SACM1L: variants seen among roughly 807,000 people sequenced by gnomAD.
SACM1L encodes the protein SAC1 like phosphatidylinositide phosphatase, also known as phosphatidylinositol-3-phosphatase SAC1.
Under a neutral mutation model 89.5 loss-of-function variants are expected in SACM1L, and 32 were observed. The observed-to-expected ratio is 0.36, with a 90% CI of 0.27 to 0.48. The LOEUF is 0.48. Among genes scored for constraint, SACM1L ranks in the 20% least tolerant of loss-of-function variants. SACM1L has a pLI of 0.99. For missense variants in SACM1L, 543 were observed against 708.5 expected, an observed-to-expected ratio of 0.77 and a Z score of 2.65; for synonymous variants, 213 against 232.8, an observed-to-expected ratio of 0.92 and a Z score of 0.77.
At chr3:45,708,996 C>T (rs966752370) in intron 4 of SACM1L, among the ~76,000 whole-genome samples, 25 of 152,166 alleles carry the variant, frequency 1.6e-4, no homozygotes, top group Admixed American at 9.2e-4. Flanking sequence ...TTTTACTTCT[C>T]GTCCATCCCA....
chr3:45,737,514 CT>C, intron 14 of SACM1L, 68 bp from the exon 15 acceptor site: 1 of 1,469,670 alleles, frequency 6.8e-7, no homozygotes, highest in Middle Eastern at 2.1e-4. Context: ...TTGGGGACTG[CT>C]TTTTCTTCCT....
chr3:45,713,811 A>G, intron 6 of SACM1L: 1 of 262,074 alleles, frequency 3.8e-6, no homozygotes, highest in Non-Finnish European at 7.1e-6. Context: ...AAAGGAGGTA[A>G]ACATTCTGTA....
intron 16 of SACM1L, 24 bp downstream of exon 16, chr3:45,737,868 A>C (rs1254910711): frequency 6.3e-7 from 1 of 1,589,948 alleles, no homozygotes; most frequent in Non-Finnish European, 8.6e-7. Context: ...TTAAAATAGC[A>C]TTCCACATCA....
chr3:45,700,271 G>C (rs536108621), intron 1 of SACM1L, among the ~76,000 whole-genome samples: 1 of 152,264 alleles, frequency 6.6e-6, no homozygotes, highest in South Asian at 2.1e-4. Context: ...CACACCCTTT[G>C]TCTGGAGAAA....
At chr3:45,730,380 A>G (rs1390555577) in intron 11 of SACM1L, among the ~76,000 whole-genome samples, 5 of 144,916 alleles carry the variant, frequency 3.5e-5, no homozygotes, top group African/African-American at 1.3e-4. Flanking sequence ...TTTCCAAACT[A>G]TTTTTGCCAA....
intron 2 of SACM1L, 80 bp from the exon 3 acceptor site, chr3:45,705,055 C>A: frequency 1.2e-6 from 1 of 853,772 alleles, no homozygotes; most frequent in Non-Finnish European, 1.9e-6. Context: ...GTCAAAGTAA[C>A]TATTGAAATC....
At chr3:45,737,504 T>C in intron 14 of SACM1L, 79 bp from the exon 15 acceptor site, 2 of 1,376,094 alleles carry the variant, frequency 1.5e-6, no homozygotes, top group Non-Finnish European at 2.0e-6. Context: ...GAGATAAAAT[T>C]TGGGGACTGC....
At chr3:45,702,954 C>T (rs755842594) in intron 1 of SACM1L, among the ~76,000 whole-genome samples, 8 of 152,094 alleles carry the variant, frequency 5.3e-5, no homozygotes, top group Non-Finnish European at 1.2e-4. Context: ...TTAGCTAATA[C>T]CTCTTGCTTA....
At chr3:45,731,432 C>A in intron 12 of SACM1L, 52 bp downstream of exon 12, 1 of 1,186,514 alleles carries the variant, frequency 8.4e-7, no homozygotes, top group Non-Finnish European at 1.2e-6. Context: ...TGTGCACTTA[C>A]ATATATGCAT....
intron 4 of SACM1L, 192 bp downstream of exon 4, chr3:45,707,099 T>G: frequency 6.4e-6 from 3 of 471,570 alleles, no homozygotes; most frequent in African/African-American, 2.0e-5. Flanking sequence ...CTCTTGTTTT[T>G]TTTTTTTTAA....
At chr3:45,717,993 T>A (rs1698701089) in intron 7 of SACM1L, among the ~76,000 whole-genome samples, 1 of 152,240 alleles carries the variant, frequency 6.6e-6, no homozygotes. Context: ...GCCAAAGTAA[T>A]TCTTGAAGCA....
At chr3:45,714,610 G>A (rs1314410148) in intron 7 of SACM1L, among the ~76,000 whole-genome samples, 4 of 152,114 alleles carry the variant, frequency 2.6e-5, no homozygotes, top group African/African-American at 9.7e-5. Flanking sequence ...AGACACTAGT[G>A]TGGGTAACAA....
intron 13 of SACM1L, among the ~76,000 whole-genome samples, chr3:45,732,907 A>G (rs968247529): frequency 1.3e-5 from 2 of 152,258 alleles, no homozygotes; most frequent in African/African-American, 2.4e-5. Flanking sequence ...ACAATAATAT[A>G]GTAAAACCTC....
At chr3:45,690,139 C>G (rs979957534) in intron 1 of SACM1L, 1 of 152,294 alleles carries the variant, frequency 6.6e-6, no homozygotes, top group Non-Finnish European at 1.5e-5. Context: ...TGCAAATTGA[C>G]TTTTCGGTAA....
At chr3:45,740,747 G>A (rs1218097586) in intron 19 of SACM1L, among the ~76,000 whole-genome samples, 1 of 151,958 alleles carries the variant, frequency 6.6e-6, no homozygotes, top group Non-Finnish European at 1.5e-5. Context: ...AGTGAGATAC[G>A]TATTTTCATT....
intron 4 of SACM1L, 177 bp downstream of exon 4, chr3:45,707,084 TGTTGCTCTTG>T (rs1445769848): frequency 4.9e-5 from 25 of 507,312 alleles, no homozygotes; most frequent in Non-Finnish European, 6.9e-5. Flanking sequence ...TTAAATCATT[TGTTGCTCTTG>T]TTTTTTTTTT....
At chr3:45,691,734 C>T (rs1697996565) in intron 1 of SACM1L, among the ~76,000 whole-genome samples, 1 of 152,116 alleles carries the variant, frequency 6.6e-6, no homozygotes, top group African/African-American at 2.4e-5. Context: ...CCCACCTCAG[C>T]CTCTCGAGGA....
chr3:45,719,529 G>T lies in SACM1L; in HGVS notation c.607G>T (p.Gly203Ter). Reference protein sequence around the residue: ...FITMHSCSINGKYFDWILISR... With the variant: ...FITMHSCSIN ...TACCATGCATTCATGTTCTATTAAT[G>T]GAAAATACTTTGATTGGATTCTCAT... The change falls in exon 8 of 20, where the codon GGA becomes TGA. Residue 203 changes from glycine (G) to a stop codon, truncating the protein, a stop_gained. Coordinates refer to ENST00000389061, the MANE Select transcript of SACM1L (RefSeq NM_014016.5). LOFTEE classifies it high-confidence loss of function. 6.2e-7 allele frequency: 1 copy of T among 1,610,338 alleles called. No individual in the cohort carries two copies. The highest frequency in any genetic ancestry group is 1.1e-5 in the South Asian group (1 of 90,718).
chr3:45,719,272 C>T (rs1698734423), intron 7 of SACM1L, among the ~76,000 whole-genome samples: 1 of 152,084 alleles, frequency 6.6e-6, no homozygotes, highest in South Asian at 2.1e-4. Context: ...TAAATAAAAA[C>T]ACCATAGTGA....
Sources: allele counts gnomAD v4.1 joint callset (sites outside exome capture counted in the v4.1 genomes callset), GRCh38; gene constraint gnomAD v4.1.1; transcripts MANE v1.5; gene names NCBI Gene and HGNC (gene_info 2026-07-23, HGNC 2026-07-21).